Variants in C8orf88 observed in about 807,000 individuals in gnomAD.
The protein encoded by C8orf88 is chromosome 8 open reading frame 88, also known as uncharacterized protein C8orf88.
Under a neutral mutation model 18.4 loss-of-function variants are expected in C8orf88, and 14 were observed. The observed-to-expected ratio is 0.76, with a 90% CI of 0.50 to 1.19. C8orf88 has a LOEUF of 1.19. C8orf88 is among the 50% of genes most tolerant of loss of function. The probability of loss-of-function intolerance (pLI) is 0.00; values close to 1 mark genes in which losing one functional copy is unlikely to be tolerated. For missense variants in C8orf88, 116 were observed against 134.7 expected (o/e 0.86, Z 0.69); for synonymous variants, 45 against 42.9 (o/e 1.05, Z -0.19).
chr8:90,983,845 AAAAG>A (rs1273052255), intron 1 of C8orf88, among the ~76,000 whole-genome samples: 5 of 152,202 alleles, frequency 3.3e-5, no homozygotes, highest in African/African-American at 1.2e-4. Flanking sequence ...TTTGTTACAT[AAAAG>A]AAAGATATCT....
intron 1 of C8orf88, among the ~76,000 whole-genome samples, chr8:90,984,879 G>A (rs142939957): frequency 0.018 from 2,684 of 152,088 alleles, 33 homozygotes; most frequent in Middle Eastern, 0.051. Flanking sequence ...GGGCTCCCCT[G>A]GCCCCCTACA....
chr8:90,961,308 A>T (rs1811123359), intron 4 of C8orf88, among the ~76,000 whole-genome samples: 1 of 151,338 alleles, frequency 6.6e-6, no homozygotes, highest in Admixed American at 6.6e-5. Context: ...GTGCTAGGTA[A>T]TAATGAATAG....
At chr8:90,979,808 A>C (rs151303162) in intron 2 of C8orf88, among the ~76,000 whole-genome samples, 1 of 152,302 alleles carries the variant, frequency 6.6e-6, no homozygotes, top group African/African-American at 2.4e-5. Flanking sequence ...GAATTTCTCC[A>C]AAAGAATAGC....
intron 4 of C8orf88, among the ~76,000 whole-genome samples, chr8:90,964,513 C>CTTCAGACT (rs1207731454): frequency 1.8e-4 from 28 of 151,692 alleles, no homozygotes; most frequent in African/African-American, 6.8e-4. Flanking sequence ...ACAAGAAATG[C>CTTCAGACT]TAAAGGGAAT....
chr8:90,967,664 A>C (rs1380179397), intron 4 of C8orf88, among the ~76,000 whole-genome samples: 4 of 151,526 alleles, frequency 2.6e-5, no homozygotes, highest in African/African-American at 9.7e-5. Context: ...GTTCCTAATA[A>C]TTTTTCTATT....
chr8:90,960,891 G>A (rs1317163868), intron 4 of C8orf88, 43 bp from the exon 5 acceptor site: 3 of 1,162,576 alleles, frequency 2.6e-6, no homozygotes, highest in African/African-American at 1.5e-5. Context: ...GAAATGTAGG[G>A]CTGTCTAGAT....
chr8:90,981,183 T>A (rs1811430639), intron 1 of C8orf88, among the ~76,000 whole-genome samples: 1 of 152,160 alleles, frequency 6.6e-6, no homozygotes, highest in African/African-American at 2.4e-5. Context: ...ATCTAAAATC[T>A]AATTAATAAC....
chr8:90,981,224 C>A (rs977850981), intron 1 of C8orf88, among the ~76,000 whole-genome samples: 5 of 152,134 alleles, frequency 3.3e-5, no homozygotes, highest in African/African-American at 1.2e-4. Context: ...AAAGTCATCA[C>A]CAACTCCCTT....
intron 4 of C8orf88, among the ~76,000 whole-genome samples, chr8:90,970,752 G>A (rs1015148194): frequency 2.6e-5 from 4 of 152,022 alleles, no homozygotes; most frequent in Non-Finnish European, 5.9e-5. Context: ...GCCATGTGTT[G>A]AGGATGGCAT....
intron 4 of C8orf88, among the ~76,000 whole-genome samples, chr8:90,963,870 G>A (rs1270134466): frequency 6.6e-5 from 10 of 151,390 alleles, no homozygotes; most frequent in African/African-American, 1.9e-4. Flanking sequence ...CCCAGGAGAA[G>A]AGAGAGAAAA....
At chr8:90,984,374 T>TA (rs1811474735) in intron 1 of C8orf88, among the ~76,000 whole-genome samples, 1 of 152,136 alleles carries the variant, frequency 6.6e-6, no homozygotes, top group Non-Finnish European at 1.5e-5. Context: ...GACAAAATGA[T>TA]AGATGAAGAG....
intron 3 of C8orf88, 82 bp downstream of exon 3, chr8:90,978,497 G>A (rs1811385093): frequency 1.4e-6 from 1 of 722,042 alleles, no homozygotes. Flanking sequence ...TATAAGCATA[G>A]TATCTGGCAC....
chr8:90,968,872 C>T (rs537627666), intron 4 of C8orf88, among the ~76,000 whole-genome samples: 9 of 150,374 alleles, frequency 6.0e-5, no homozygotes, highest in Non-Finnish European at 7.4e-5. Context: ...AACAAGCACA[C>T]GAAAAAACAG....
intron 4 of C8orf88, among the ~76,000 whole-genome samples, chr8:90,964,307 A>G (rs1419218740): frequency 6.6e-6 from 1 of 151,724 alleles, no homozygotes. Flanking sequence ...GAGATTATCT[A>G]TCAGATAAAC....
intron 1 of C8orf88, among the ~76,000 whole-genome samples, 178 bp downstream of exon 1, chr8:90,984,936 T>A (rs1018063311): frequency 6.6e-6 from 1 of 152,078 alleles, no homozygotes; most frequent in Non-Finnish European, 1.5e-5. Context: ...CCACTCCCAT[T>A]CAGGGTCCAC....
intron 4 of C8orf88, among the ~76,000 whole-genome samples, chr8:90,963,710 A>G (rs909254778): frequency 2.6e-5 from 4 of 151,706 alleles, no homozygotes; most frequent in African/African-American, 9.7e-5. Flanking sequence ...AGATTTGAGC[A>G]GGTGGAAGAA....
At chr8:90,959,350 G>T (rs1161241108) in intron 5 of C8orf88, 4 of 164,564 alleles carry the variant, frequency 2.4e-5, no homozygotes, top group African/African-American at 9.6e-5. Context: ...TTTAAAAAGT[G>T]TATGTCAAGC....
intron 3 of C8orf88, among the ~76,000 whole-genome samples, chr8:90,972,232 G>A (rs1811293638): frequency 6.6e-6 from 1 of 151,938 alleles, no homozygotes; most frequent in South Asian, 2.1e-4. Context: ...AGTCTATGGA[G>A]ATAATTCTAC....
chr8:90,965,220 G>T (rs1169315188), intron 4 of C8orf88, among the ~76,000 whole-genome samples: 1 of 151,688 alleles, frequency 6.6e-6, no homozygotes, highest in Non-Finnish European at 1.5e-5. Context: ...AAAGAGAGCT[G>T]AAGTGAGTAT....
Sources: allele counts gnomAD v4.1 joint callset (sites outside exome capture counted in the v4.1 genomes callset), GRCh38; gene constraint gnomAD v4.1.1; transcripts MANE v1.5; gene names NCBI Gene and HGNC (gene_info 2026-07-23, HGNC 2026-07-21).